EPHA6: variants seen among roughly 807,000 people sequenced by gnomAD.
The protein encoded by EPHA6 is EPH receptor A6.
A neutral mutation model predicts 112.0 loss-of-function variants in EPHA6; 50 were observed. The ratio of observed to expected loss-of-function variants is 0.45; its 90% CI spans 0.36 to 0.56. The LOEUF is 0.56. Ranked by LOEUF, EPHA6 falls within the 20% of genes least tolerant of loss-of-function variation. The pLI is 0.00. For synonymous variants in EPHA6, 529 were observed against 490.7 expected (o/e 1.08, Z -1.03); for missense variants, 1,280 against 1,417.4 (o/e 0.90, Z 1.56).
intron 10 of EPHA6, among the ~76,000 whole-genome samples, chr3:97,494,952 C>G (rs903981292): frequency 1.3e-5 from 2 of 152,146 alleles, no homozygotes; most frequent in African/African-American, 4.8e-5. Context: ...CTCTGGAGAT[C>G]TAGAGTTTTT....
intron 15 of EPHA6, among the ~76,000 whole-genome samples, chr3:97,735,378 T>A (rs2035209152): frequency 6.6e-6 from 1 of 151,948 alleles, no homozygotes; most frequent in Non-Finnish European, 1.5e-5. Context: ...CATAATCAGG[T>A]CAGTGTCAGA....
At chr3:96,900,704 C>A (rs1393828697) in intron 2 of EPHA6, among the ~76,000 whole-genome samples, 9 of 152,226 alleles carry the variant, frequency 5.9e-5, no homozygotes, top group Non-Finnish European at 1.5e-5. Flanking sequence ...GTTTTTGCCA[C>A]AGAAATAGGT....
At chr3:97,084,100 GGATA>G (rs1183767878) in intron 3 of EPHA6, among the ~76,000 whole-genome samples, 4 of 74,360 alleles carry the variant, frequency 5.4e-5, no homozygotes, top group African/African-American at 3.2e-4. Flanking sequence ...GTGTGTGCAT[GGATA>G]TATATATATA....
At chr3:97,006,124 G>A (rs2043869107) in intron 3 of EPHA6, among the ~76,000 whole-genome samples, 1 of 152,104 alleles carries the variant, frequency 6.6e-6, no homozygotes, top group Non-Finnish European at 1.5e-5. Context: ...GGATGATGTT[G>A]GCTTCATAAA....
At chr3:97,552,839 T>A (rs1294306369) in intron 11 of EPHA6, among the ~76,000 whole-genome samples, 1 of 152,202 alleles carries the variant, frequency 6.6e-6, no homozygotes, top group Admixed American at 6.5e-5. Flanking sequence ...TAATAACTTA[T>A]TAGTTTTTGA....
At chr3:97,445,976 C>T (rs1368910415) in intron 6 of EPHA6, among the ~76,000 whole-genome samples, 1 of 152,122 alleles carries the variant, frequency 6.6e-6, no homozygotes, top group Non-Finnish European at 1.5e-5. Flanking sequence ...ATTCAAAATT[C>T]AACCTGCCAG....
chr3:97,301,470 C>G (rs1354242632), intron 5 of EPHA6, among the ~76,000 whole-genome samples: 4 of 152,094 alleles, frequency 2.6e-5, no homozygotes, highest in African/African-American at 9.7e-5. Flanking sequence ...TTTATTCTCA[C>G]AATAGAACTA....
At chr3:97,476,974 A>G (rs893762003) in intron 8 of EPHA6, among the ~76,000 whole-genome samples, 1 of 152,122 alleles carries the variant, frequency 6.6e-6, no homozygotes, top group Non-Finnish European at 1.5e-5. Flanking sequence ...AAAAAAACAG[A>G]CATGAAAGAA....
chr3:97,668,224 CA>C (rs1413100943), intron 14 of EPHA6, among the ~76,000 whole-genome samples: 2 of 152,124 alleles, frequency 1.3e-5, no homozygotes, highest in East Asian at 3.9e-4. Flanking sequence ...CCTCATATGT[CA>C]ACATGTATTA....
intron 7 of EPHA6, among the ~76,000 whole-genome samples, chr3:97,461,965 A>G (rs1347969673): frequency 2.0e-5 from 3 of 152,182 alleles, no homozygotes; most frequent in African/African-American, 4.8e-5. Context: ...TACTGTTTCT[A>G]TGGTAATCAA....
intron 16 of EPHA6, among the ~76,000 whole-genome samples, chr3:97,737,547 G>A (rs898867468): frequency 2.6e-5 from 4 of 152,050 alleles, no homozygotes; most frequent in African/African-American, 9.7e-5. Context: ...AATCAAAGAT[G>A]TTTGTCAAGT....
intron 6 of EPHA6, among the ~76,000 whole-genome samples, chr3:97,415,570 A>G (rs751871540): frequency 7.9e-5 from 12 of 152,082 alleles, no homozygotes; most frequent in Non-Finnish European, 1.2e-4. Flanking sequence ...GTAATGGTCA[A>G]AAACTTGACC....
chr3:97,471,131 T>A (rs1393909943), intron 7 of EPHA6, among the ~76,000 whole-genome samples: 1 of 151,726 alleles, frequency 6.6e-6, no homozygotes, highest in African/African-American at 2.4e-5. Context: ...GGCAGGTAAC[T>A]TCATGGTTTG....
rs56339330 is a variant in EPHA6 at position 96,866,821 on chromosome 3, C to T, written c.386-4C>T. The stretch of plus-strand genomic sequence containing the variant: ...TGGAATTTTTATTTTCTATTTAATT[C>T]CAGTTGTGTTGCTTGATACAACAAC... On this transcript the variant is annotated splice_polypyrimidine_tract_variant and splice_region_variant and intron_variant, in intron 1 of 17. Coordinates refer to ENST00000389672, the MANE Select transcript of EPHA6 (RefSeq NM_001080448.3). The T allele has an allele frequency of 2.3e-3, 3,330 of 1,440,794 alleles. 6 individuals are homozygous for T. The highest frequency in any genetic ancestry group is 2.7e-3 in the Non-Finnish European group (2,912 of 1,090,672). 89.3% of individuals were successfully genotyped at this position (1,440,794 alleles called of 1,614,324 possible).
chr3:96,911,757 G>T (rs535706309), intron 2 of EPHA6, among the ~76,000 whole-genome samples: 1 of 152,074 alleles, frequency 6.6e-6, no homozygotes, highest in Admixed American at 6.6e-5. Flanking sequence ...GCCTAGTAAT[G>T]ATTGGCTCTC....
At chr3:96,951,632 T>G (rs755700960) in intron 2 of EPHA6, among the ~76,000 whole-genome samples, 1 of 152,164 alleles carries the variant, frequency 6.6e-6, no homozygotes, top group Non-Finnish European at 1.5e-5. Context: ...GGGAGCCATA[T>G]TATGTCCTTT....
At chr3:97,331,510 A>G (rs1239839290) in intron 5 of EPHA6, among the ~76,000 whole-genome samples, 2 of 152,158 alleles carry the variant, frequency 1.3e-5, no homozygotes, top group African/African-American at 2.4e-5. Context: ...AGCAAGACTA[A>G]TAAGAAAAGA....
chr3:96,815,245 A>G (rs577710370), intron 1 of EPHA6, among the ~76,000 whole-genome samples: 2 of 152,220 alleles, frequency 1.3e-5, no homozygotes, highest in East Asian at 3.9e-4. Flanking sequence ...TAGCGTGAGC[A>G]TCAGCTGCAG....
At chr3:97,118,128 T>G (rs2047944731) in intron 3 of EPHA6, among the ~76,000 whole-genome samples, 1 of 151,870 alleles carries the variant, frequency 6.6e-6, no homozygotes, top group African/African-American at 2.4e-5. Context: ...TCATTAAGAT[T>G]TAATTTTTAC....
Sources: allele counts gnomAD v4.1 joint callset (sites outside exome capture counted in the v4.1 genomes callset), GRCh38; gene constraint gnomAD v4.1.1; transcripts MANE v1.5; gene names NCBI Gene and HGNC (gene_info 2026-07-23, HGNC 2026-07-21).